The following DOCK5 variants were observed in gnomAD, a reference collection of about 807,000 sequenced individuals.
DOCK5 encodes dedicator of cytokinesis protein 5.
DOCK5 carries 142 observed loss-of-function variants against 251.8 expected under a neutral mutation model. That is an observed-to-expected ratio of 0.56 (90% CI 0.49 to 0.65). The LOEUF is 0.65. Ranked by LOEUF, DOCK5 falls within the 30% of genes least tolerant of loss-of-function variation. The pLI, the probability that DOCK5 is intolerant of heterozygous loss-of-function variation, is 0.00. For synonymous variants in DOCK5, 842 were observed against 835.5 expected (o/e 1.01, Z -0.13); for missense variants, 2,111 against 2,312.3 (o/e 0.91, Z 1.79).
chr8:25,390,305 TAAAA>T lies in DOCK5; in HGVS notation c.4355+29_4355+32del. On this transcript the variant is annotated intron_variant, in intron 42 of 51. Transcript: ENST00000276440. ...ATCTTAAAGTAAGTGGTTTTTCATT[TAAAA>T]AAAAAAAAAATCTGTGTCTAGGCAC... 2.2e-6 allele frequency: 3 copies of T among 1,363,926 alleles called. No homozygotes were observed. The highest frequency in any genetic ancestry group is 2.0e-6 in the Non-Finnish European group (2 of 1,011,898). 84.5% of individuals were successfully genotyped at this position (1,363,926 alleles called of 1,614,324 possible). A position where few individuals can be genotyped will look rare whatever the true frequency, so the allele number is the denominator to read the frequency against.
At position 25,363,063 on chromosome 8, in the gene DOCK5, C is replaced by CT; in HGVS notation, c.2970dup (p.Ile991TyrfsTer36). ...TCTCCGCAGGACTTCCTCATGGAAA[C>CT]TTTTATCATGTTCAAGGACCTGATT... On this transcript the variant is annotated frameshift_variant, in exon 29 of 52. Transcript: ENST00000276440. LOFTEE classifies it high-confidence loss of function. 6.2e-7 allele frequency: 1 copy of CT among 1,613,952 alleles called. No individual in the cohort carries two copies. The highest frequency in any genetic ancestry group is 8.5e-7 in the Non-Finnish European group (1 of 1,179,862).
At chr8:25,289,300 G>A (rs1804422515) in intron 5 of DOCK5, among the ~76,000 whole-genome samples, 1 of 149,992 alleles carries the variant, frequency 6.7e-6, no homozygotes, top group Non-Finnish European at 1.5e-5. Context: ...TTTTTTGGGG[G>A]GTTTTTTGTT....
chr8:25,186,575 C>T (rs1801436735), intron 1 of DOCK5, among the ~76,000 whole-genome samples: 2 of 152,044 alleles, frequency 1.3e-5, no homozygotes, highest in Admixed American at 6.6e-5. Context: ...AACCAGGTTT[C>T]GCCATCTGGG....
At chr8:25,403,359 G>T (rs1801469412) in intron 47 of DOCK5, among the ~76,000 whole-genome samples, 199 bp from the exon 48 acceptor site, 1 of 152,132 alleles carries the variant, frequency 6.6e-6, no homozygotes, top group Non-Finnish European at 1.5e-5. Context: ...AACCTAAGTT[G>T]TACCTATAGC....
At position 25,264,320 on chromosome 8, in the gene DOCK5, T is replaced by C. The variant is rs1803672781; in HGVS notation, c.128-4525T>C. On this transcript the variant is annotated intron_variant, in intron 2 of 51. Transcript: ENST00000276440. The stretch of plus-strand genomic sequence containing the variant: ...GGGTGGCGGAGGTTGCAGTGAGCCA[T>C]GATTGTGCCACTGCACTCCAGTCTG... Among the ~76,000 whole-genome samples, 2 of 151,420 alleles carry C rather than the reference T, an allele frequency of 1.3e-5. 1 individual carries two copies. The highest frequency in any genetic ancestry group is 4.9e-5 in the African/African-American group (2 of 40,940).
intron 38 of DOCK5, 30 bp from the exon 39 acceptor site, chr8:25,380,275 A>C: frequency 6.3e-7 from 1 of 1,583,494 alleles, no homozygotes; most frequent in Non-Finnish European, 8.6e-7. Flanking sequence ...CTTGTTCTCC[A>C]CTTTTAACCT....
chr8:25,332,787 C>CA, intron 20 of DOCK5, 95 bp downstream of exon 20: 1 of 923,362 alleles, frequency 1.1e-6, no homozygotes, highest in Non-Finnish European at 1.6e-6. Context: ...TATCTTCTCA[C>CA]ATAAATATTT....
chr8:25,251,214 A>G (rs538827210), intron 2 of DOCK5, among the ~76,000 whole-genome samples: 1 of 152,296 alleles, frequency 6.6e-6, no homozygotes, highest in South Asian at 2.1e-4. Context: ...GTTAGCAGTG[A>G]TTTCTGGGGT....
intron 13 of DOCK5, among the ~76,000 whole-genome samples, chr8:25,315,832 G>A (rs1233433348): frequency 2.0e-5 from 3 of 152,192 alleles, no homozygotes; most frequent in Admixed American, 6.5e-5. Flanking sequence ...CAAGTGATAA[G>A]CAGTATCTTA....
chr8:25,402,096 C>T (rs2117337104), intron 47 of DOCK5, among the ~76,000 whole-genome samples: 1 of 152,136 alleles, frequency 6.6e-6, no homozygotes, highest in African/African-American at 2.4e-5. Flanking sequence ...TGAATTCATC[C>T]TGTTCTCTTT....
chr8:25,224,748 T>A (rs1474595249), intron 1 of DOCK5, among the ~76,000 whole-genome samples: 1 of 152,194 alleles, frequency 6.6e-6, no homozygotes, highest in East Asian at 1.9e-4. Flanking sequence ...GCAACCCCCA[T>A]GTGTTTTATA....
chr8:25,402,585 C>T (rs527778742), intron 47 of DOCK5, among the ~76,000 whole-genome samples: 6 of 151,722 alleles, frequency 4.0e-5, no homozygotes, highest in South Asian at 2.1e-4. Flanking sequence ...TGTGAGCCAC[C>T]GCGCCCGGCC....
At chr8:25,255,356 G>C (rs374931654) in intron 2 of DOCK5, among the ~76,000 whole-genome samples, 3 of 152,142 alleles carry the variant, frequency 2.0e-5, no homozygotes, top group Admixed American at 1.3e-4. Flanking sequence ...CCAGACAATG[G>C]AGTATCATTC....
At chr8:25,199,145 A>G (rs1424848871) in intron 1 of DOCK5, among the ~76,000 whole-genome samples, 3 of 152,190 alleles carry the variant, frequency 2.0e-5, no homozygotes, top group South Asian at 2.1e-4. Context: ...TTGTTACTAC[A>G]TCACAGGCAT....
chr8:25,278,711 C>T (rs1385724569), intron 5 of DOCK5, 46 bp downstream of exon 5: 4 of 1,571,234 alleles, frequency 2.5e-6, no homozygotes, highest in Non-Finnish European at 3.5e-6. Context: ...ACTCTGGGTC[C>T]TCAGCCTGTA....
chr8:25,389,766 A>G (rs1014194123), intron 41 of DOCK5, among the ~76,000 whole-genome samples: 1 of 152,202 alleles, frequency 6.6e-6, no homozygotes, highest in Non-Finnish European at 1.5e-5. Context: ...TAGAGATAAC[A>G]CATTCAAAAT....
intron 27 of DOCK5, among the ~76,000 whole-genome samples, chr8:25,353,217 G>A (rs1279355181): frequency 6.6e-6 from 1 of 152,160 alleles, no homozygotes; most frequent in African/African-American, 2.4e-5. Flanking sequence ...ATTAGTGCCT[G>A]TACGCCCAGC....
At chr8:25,225,435 G>C (rs1372589388) in intron 1 of DOCK5, among the ~76,000 whole-genome samples, 1 of 152,156 alleles carries the variant, frequency 6.6e-6, no homozygotes, top group Admixed American at 6.5e-5. Flanking sequence ...ATTCTGCCGT[G>C]GTGGCTCACG....
At position 25,285,393 on chromosome 8, in the gene DOCK5, G is replaced by A. The variant is rs931735483; in HGVS notation, c.322-6631G>A. Among the ~76,000 whole-genome samples the A allele has an allele frequency of 5.3e-5, 8 of 152,206 alleles. No individual in the cohort carries two copies. The East Asian group carries it at 9.7e-4, about 18-fold the overall frequency. On this transcript the variant is annotated intron_variant, in intron 5 of 51. Coordinates refer to ENST00000276440, the MANE Select transcript of DOCK5 (RefSeq NM_024940.8). ...ACTCCTGATCTCAGGTGATCTGCTCGCCTTGGCCTCCCAAAGTGCTGGGAT... is the reference window on the plus strand; with the variant it reads ...ACTCCTGATCTCAGGTGATCTGCTCACCTTGGCCTCCCAAAGTGCTGGGAT...
Sources: gnomAD v4.1 joint callset for allele counts (sites outside exome capture counted in the v4.1 genomes callset) on GRCh38, gnomAD v4.1.1 for gene constraint, MANE v1.5 for transcripts, NCBI Gene and HGNC (gene_info 2026-07-23, HGNC 2026-07-21) for gene names.